Variants in BAZ1A observed in about 807,000 individuals in gnomAD.
BAZ1A encodes the protein bromodomain adjacent to zinc finger domain 1A.
In BAZ1A, 50 loss-of-function variants were observed where a neutral mutation model predicts 185.2. The observed-to-expected ratio is 0.27, with a 90% CI of 0.22 to 0.34. The LOEUF (loss-of-function observed/expected upper bound fraction) is 0.34. Among genes scored for constraint, BAZ1A ranks in the 10% least tolerant of loss-of-function variants. The pLI, the probability that BAZ1A is intolerant of heterozygous loss-of-function variation, is 1.00. For missense variants in BAZ1A, 1,356 were observed against 1,839.9 expected, an observed-to-expected ratio of 0.74 and a Z score of 4.81; for synonymous variants, 571 against 615.6, an observed-to-expected ratio of 0.93 and a Z score of 1.07.
At chr14:34,811,166 T>A (rs941880516) in intron 4 of BAZ1A, 130 bp from the exon 5 acceptor site, 2 of 610,918 alleles carry the variant, frequency 3.3e-6, no homozygotes, top group African/African-American at 3.7e-5. Flanking sequence ...GTTTTTGAGA[T>A]GGAGTCTCAC....
At chr14:34,791,529 C>T (rs1416615989) in intron 12 of BAZ1A, among the ~76,000 whole-genome samples, 3 of 152,162 alleles carry the variant, frequency 2.0e-5, no homozygotes, top group African/African-American at 7.2e-5. Context: ...GCTGTAAAAT[C>T]AAAAGGCAAC....
At chr14:34,844,155 G>C (rs1158494177) in intron 3 of BAZ1A, among the ~76,000 whole-genome samples, 1 of 142,526 alleles carries the variant, frequency 7.0e-6, no homozygotes, top group African/African-American at 2.7e-5. Flanking sequence ...GCAGTGAGCA[G>C]AGATCGCGCC....
intron 21 of BAZ1A, 28 bp from the exon 22 acceptor site, chr14:34,765,296 A>AT: frequency 1.9e-6 from 3 of 1,604,636 alleles, no homozygotes; most frequent in Non-Finnish European, 1.7e-6. Context: ...AGTGATTACA[A>AT]TTTTTTAGGC....
chr14:34,762,203 G>C lies in BAZ1A; in HGVS notation c.3797C>G (p.Pro1266Arg), dbSNP rs1423914599. 4.3e-6 allele frequency: 7 copies of C among 1,613,860 alleles called. No individual in the cohort carries two copies. The highest frequency in any genetic ancestry group is 5.9e-6 in the Non-Finnish European group (7 of 1,179,982). Residue 1266 changes from proline to arginine, a missense_variant, in exon 24 of 27, where the codon CCA (proline) becomes CGA (arginine). Around this residue, in one of 7 missense-constraint regions of BAZ1A, gnomAD observed 309 missense variants for 355.3 expected, o/e 0.87. Coordinates refer to ENST00000360310, the MANE Select transcript of BAZ1A (RefSeq NM_013448.3). ...TGTTTTAACTGGCAATCTAACTTGT[G>C]GTCTTCCTCGTTTGGGTAGGCTATA... ...EEVSLPKRGR[P>R]QVRLPVKTRG... is the part of the protein sequence containing the mutation.
intron 9 of BAZ1A, among the ~76,000 whole-genome samples, chr14:34,796,397 C>A (rs968072903): frequency 6.6e-6 from 1 of 152,110 alleles, no homozygotes; most frequent in Non-Finnish European, 1.5e-5. Context: ...CAATAAGATC[C>A]TAGCAAAATA....
intron 2 of BAZ1A, among the ~76,000 whole-genome samples, 169 bp from the exon 3 acceptor site, chr14:34,862,491 C>T (rs978791005): frequency 1.9e-4 from 29 of 152,038 alleles, no homozygotes; most frequent in Non-Finnish European, 4.1e-4. Context: ...AACATTAATA[C>T]AAACATAAGA....
At chr14:34,819,417 G>C (rs2042053839) in intron 4 of BAZ1A, among the ~76,000 whole-genome samples, 1 of 152,110 alleles carries the variant, frequency 6.6e-6, no homozygotes, top group Non-Finnish European at 1.5e-5. Context: ...CTCCATAGCT[G>C]TGCCTTTTCC....
intron 4 of BAZ1A, among the ~76,000 whole-genome samples, chr14:34,817,805 A>G (rs115942630): frequency 0.012 from 1,827 of 152,342 alleles, 43 homozygotes; most frequent in African/African-American, 0.041. Flanking sequence ...TACACCCGAT[A>G]AGGATGACTA....
chr14:34,823,762 G>A (rs900583443), intron 4 of BAZ1A, among the ~76,000 whole-genome samples: 1 of 151,978 alleles, frequency 6.6e-6, no homozygotes, highest in African/African-American at 2.4e-5. Context: ...CTTTAAGACT[G>A]GGCTTAGTTT....
chr14:34,774,290 T>TAGATTAGACAAACTAAAAATGGGAAC, intron 19 of BAZ1A, 37 bp downstream of exon 19: 1 of 1,567,284 alleles, frequency 6.4e-7, no homozygotes, highest in East Asian at 2.3e-5. Flanking sequence ...CTGGACCAAG[T>TAGATTAGACAAACTAAAAATGGGAAC]AGATTAGACA....
chr14:34,797,731 C>A (rs1463695268), intron 9 of BAZ1A, among the ~76,000 whole-genome samples: 2 of 152,198 alleles, frequency 1.3e-5, no homozygotes, highest in Admixed American at 6.5e-5. Flanking sequence ...CTGCAGCTCC[C>A]AGCGTGATCA....
At chr14:34,782,122 G>GT (rs1880077954) in intron 16 of BAZ1A, among the ~76,000 whole-genome samples, 1 of 152,152 alleles carries the variant, frequency 6.6e-6, no homozygotes, top group African/African-American at 2.4e-5. Context: ...GTAACAAATG[G>GT]TTTAATTGTT....
At chr14:34,754,367 C>A in intron 26 of BAZ1A, among the ~76,000 whole-genome samples, 1 of 136,892 alleles carries the variant, frequency 7.3e-6, no homozygotes, top group Admixed American at 7.8e-5. Flanking sequence ...TGCAGTGAAC[C>A]AAAATTTTGC....
At position 34,771,534 on chromosome 14, in the gene BAZ1A, C is replaced by T. The variant is rs776556963; in HGVS notation, c.3278G>A (p.Arg1093Gln). The T allele has an allele frequency of 3.1e-6, 5 of 1,608,670 alleles. No individual in the cohort carries two copies. The highest frequency in any genetic ancestry group is 2.2e-5 in the South Asian group (2 of 89,164). ...ACCAAGTGGAGCTTTCAGAAAACGC[C>T]GCTCAATGCCCTGCTCTATTTGAAA... The part of the protein sequence containing the change: ...ALFQIEQGIE[R>Q]RFLKAPLDAS... The change falls in exon 21 of 27, where the codon CGG (arginine) becomes CAG (glutamine). Residue 1093 changes from arginine to glutamine, a missense_variant. Physicochemically the swap from Arg to Gln is conservative, Grantham distance 43. Coordinates refer to ENST00000360310, the MANE Select transcript of BAZ1A (RefSeq NM_013448.3).
At chr14:34,791,930 A>G (rs1880871234) in intron 12 of BAZ1A, among the ~76,000 whole-genome samples, 1 of 152,218 alleles carries the variant, frequency 6.6e-6, no homozygotes, top group Admixed American at 6.5e-5. Context: ...ATTAACACGT[A>G]CCATACACTG....
chr14:34,854,428 A>T (rs1209712161), intron 3 of BAZ1A, among the ~76,000 whole-genome samples: 1 of 151,976 alleles, frequency 6.6e-6, no homozygotes, highest in African/African-American at 2.4e-5. Flanking sequence ...TCTCGAAATA[A>T]AATAAAATAA....
chr14:34,784,367 CAAAAAAAAAAAA>C lies in BAZ1A; in HGVS notation c.1832-452_1832-441del, dbSNP rs368815964. Reference sequence around the variant, plus strand: ...TGGGCAACTGAGTGAGACTCTGTCTCAAAAAAAAAAAAAAAAAAAAAAAAAAAAGGCAACTTT... The same window carrying C: ...TGGGCAACTGAGTGAGACTCTGTCTCAAAAAAAAAAAAAAAAGGCAACTTT... On this transcript the variant is annotated intron_variant, in intron 14 of 26. Transcript: ENST00000360310. 2.2e-4 allele frequency among the ~76,000 whole-genome samples: 17 copies of C among 77,168 alleles called. 1 individual carries two copies. Among genetic ancestry groups the C allele is most frequent in the Admixed American group, 3.4e-4 (2 of 5,928 alleles). 50.6% of individuals were successfully genotyped at this position (77,168 alleles called of 152,430 possible). A position where few individuals can be genotyped will look rare whatever the true frequency, so the allele number is the denominator to read the frequency against.
intron 3 of BAZ1A, among the ~76,000 whole-genome samples, chr14:34,846,039 G>A (rs1050393358): frequency 1.6e-4 from 24 of 152,096 alleles, no homozygotes; most frequent in African/African-American, 5.6e-4. Context: ...GGGATTTAAG[G>A]TCAGAAGTAG....
Position 34,761,858 on chromosome 14 carries a change from G to T in BAZ1A, c.4142C>A (p.Ala1381Asp). ...SPNFPNFRVIATKSSEQSRSV... is the reference protein window; with the variant it reads ...SPNFPNFRVIDTKSSEQSRSV... The stretch of plus-strand genomic sequence containing the variant: ...TCTTGACTGTTCACTTGACTTTGTG[G>T]CAATGACTCTGAAGTTAGGGAAGTT... The change falls in exon 24 of 27, where the codon GCC becomes GAC. Residue 1381 changes from alanine to aspartate, a missense_variant. Transcript: ENST00000360310. 1.2e-6 allele frequency: 2 copies of T among 1,614,138 alleles called. No individual in the cohort carries two copies. Among genetic ancestry groups the T allele is most frequent in the Non-Finnish European group, 1.7e-6 (2 of 1,180,024 alleles).
Sources: allele counts gnomAD v4.1 joint callset (sites outside exome capture counted in the v4.1 genomes callset), GRCh38; gene constraint gnomAD v4.1.1; regional missense constraint gnomAD v4.1.1; transcripts MANE v1.5; gene names NCBI Gene and HGNC (gene_info 2026-07-23, HGNC 2026-07-21).